PGR: variants seen among roughly 807,000 people sequenced by gnomAD.
PGR encodes progesterone receptor.
PGR carries 25 observed loss-of-function variants against 76.1 expected under a neutral mutation model. The observed-to-expected ratio is 0.33, with a 90% confidence interval of 0.24 to 0.46. The LOEUF (loss-of-function observed/expected upper bound fraction) is 0.46. Ranked by LOEUF, PGR falls within the 20% of genes least tolerant of loss-of-function variation. The probability of loss-of-function intolerance (pLI) is 1.00; values close to 1 mark genes in which losing one functional copy is unlikely to be tolerated. For missense variants in PGR, 1,172 were observed against 1,225.3 expected, an observed-to-expected ratio of 0.96 and a Z score of 0.65; for synonymous variants, 579 against 535.0, an observed-to-expected ratio of 1.08 and a Z score of -1.14.
In PGR at chr11:101,128,069, C is replaced by T. The variant is rs1353579171; in HGVS notation, c.1002G>A (p.Gly334=). The change falls in exon 1 of 8, where the codon GGG becomes GGA. Residue 334 remains glycine (G), a synonymous_variant. Transcript: ENST00000325455. The part of the protein sequence containing the change: ...LEDESYDGGA[G]AASAFAPPRS... ...GCGGCGGGGCAAAGGCGCTGGCAGC[C>T]CCGGCCCCGCCGTCGTAACTTTCGT... 1.1e-5 allele frequency: 18 copies of T among 1,600,506 alleles called. No homozygotes were observed. The African/African-American group carries it at 2.1e-4, about 19-fold the overall frequency.
At chr11:101,084,208 C>T (rs1456001645) in intron 3 of PGR, among the ~76,000 whole-genome samples, 1 of 152,166 alleles carries the variant, frequency 6.6e-6, no homozygotes, top group African/African-American at 2.4e-5. Flanking sequence ...TCACCTTCTG[C>T]CTTGATTGTA....
Position 101,128,472 on chromosome 11 carries a change from G to A in PGR, c.599C>T (p.Ser200Phe). 6.2e-7 allele frequency: 1 copy of A among 1,608,154 alleles called. No individual in the cohort carries two copies. Residue 200 changes from serine (S) to phenylalanine (F), a missense_variant, in exon 1 of 8, where the codon TCT becomes TTT. Ser to Phe is a radical substitution (Grantham distance 155, BLOSUM62 -2). Coordinates refer to ENST00000325455, the MANE Select transcript of PGR (RefSeq NM_000926.4). The stretch of plus-strand genomic sequence containing the variant: ...GGCCCCGGACCAGTGAGGGCTCTCA[G>A]AGGCCGGGAGCAGCAGCTGCCGGGC... ...SPARQLLLPA[S>F]ESPHWSGAPV...
At chr11:101,049,906 T>A (rs893361136) in intron 6 of PGR, 23 bp downstream of exon 6, 2 of 1,596,984 alleles carry the variant, frequency 1.3e-6, no homozygotes, top group Admixed American at 3.3e-5. Flanking sequence ...ATATCTTGCA[T>A]TAAGTTACTT....
At position 101,073,916 on chromosome 11, in the gene PGR, G is replaced by T. The variant is rs926970619; in HGVS notation, c.1907-11164C>A. The stretch of plus-strand genomic sequence containing the variant: ...CTACCAGAGATACAAGGAGGAGCTG[G>T]CACCATTCTTTCTAAAACTATTCCA... On this transcript the variant is annotated intron_variant, in intron 3 of 7. Coordinates refer to ENST00000325455, the MANE Select transcript of PGR (RefSeq NM_000926.4). Among the ~76,000 whole-genome samples the T allele has an allele frequency of 8.5e-5, 13 of 152,226 alleles. No homozygotes were observed. In the East Asian group the frequency reaches 2.1e-3, roughly 25 times the overall value.
intron 4 of PGR, among the ~76,000 whole-genome samples, chr11:101,059,097 T>A (rs557023521): frequency 1.3e-5 from 2 of 151,960 alleles, no homozygotes; most frequent in African/African-American, 4.8e-5. Context: ...AGCAAACCTA[T>A]CTCATGCTTT....
At position 101,038,849 on chromosome 11, in the gene PGR, G is replaced by GAC; in HGVS notation, c.*266_*267insGT. The GAC allele has an allele frequency of 2.6e-6, 1 of 382,482 alleles. No individual in the cohort carries two copies. Among genetic ancestry groups the GAC allele is most frequent in the Middle Eastern group, 7.6e-4 (1 of 1,322 alleles). The allele number at this position is 382,482 out of a possible 1,614,324, so 23.7% of individuals were successfully genotyped here. On this transcript the variant is annotated 3_prime_UTR_variant, in exon 8 of 8. Coordinates refer to ENST00000325455, the MANE Select transcript of PGR (RefSeq NM_000926.4). ...ACATGGTATGAAATAATATGGATAA[G>GAC]ATAGTTTACTTTAACAATTTTAGTA...
chr11:101,057,602 C>G (rs1308557932), intron 4 of PGR, among the ~76,000 whole-genome samples: 1 of 152,090 alleles, frequency 6.6e-6, no homozygotes, highest in Non-Finnish European at 1.5e-5. Flanking sequence ...GAGGCTGCAA[C>G]ATGAATCCAA....
chr11:101,082,233 T>C (rs545211455), intron 3 of PGR, among the ~76,000 whole-genome samples: 39 of 152,322 alleles, frequency 2.6e-4, no homozygotes, highest in African/African-American at 8.4e-4. Flanking sequence ...ATGCTTCCTG[T>C]TAAGCCTGCA....
chr11:101,107,169 A>G (rs1862190644), intron 2 of PGR, among the ~76,000 whole-genome samples: 1 of 152,196 alleles, frequency 6.6e-6, no homozygotes, highest in African/African-American at 2.4e-5. Context: ...TATGTAACAA[A>G]ACTGCACGTT....
In PGR at chr11:101,037,840, C is replaced by G. The variant is rs1859560607; in HGVS notation, c.*1276G>C. 1 of 222,454 alleles carries G rather than the reference C, an allele frequency of 4.5e-6. No individual in the cohort carries two copies. Among genetic ancestry groups the G allele is most frequent in the Admixed American group, 5.8e-5 (1 of 17,380 alleles). The allele number at this position is 222,454 out of a possible 1,614,324, so 13.8% of individuals were successfully genotyped here. A position where few individuals can be genotyped will look rare whatever the true frequency, so the allele number is the denominator to read the frequency against. ...GACAGAGAGAAAATGTCATTCAACT[C>G]TCAGTCAGCAAACACTATTGACCAC... On this transcript the variant is annotated 3_prime_UTR_variant, in exon 8 of 8. Coordinates refer to ENST00000325455, the MANE Select transcript of PGR (RefSeq NM_000926.4).
rs950933712 is a variant in PGR, at chr11:101,052,370, G to A, written c.2213-802C>T. The stretch of plus-strand genomic sequence containing the variant: ...TTGGTCTTTCATCCTCTTTTAGGCT[G>A]TTCCATGGTGTTGGTGGCAGAAGGA... On this transcript the variant is annotated intron_variant, in intron 4 of 7. Transcript: ENST00000325455. 2.6e-5 allele frequency among the ~76,000 whole-genome samples: 4 copies of A among 151,596 alleles called. No homozygotes were observed. In the East Asian group the frequency reaches 7.8e-4, roughly 29 times the overall value.
chr11:101,107,807 C>T (rs1313906906), intron 2 of PGR, among the ~76,000 whole-genome samples: 1 of 139,852 alleles, frequency 7.2e-6, no homozygotes, highest in Non-Finnish European at 1.5e-5. Context: ...TATCAAGTGA[C>T]TTAAGATTCT....
Position 101,037,817 on chromosome 11 carries a change from CAG to C in PGR, c.*1297_*1298del, listed in dbSNP as rs1365198742. The C allele has an allele frequency of 8.9e-6, 2 of 224,380 alleles. No homozygotes were observed. The highest frequency in any genetic ancestry group is 3.7e-4 in the South Asian group (2 of 5,458). 13.9% of individuals were successfully genotyped at this position (224,380 alleles called of 1,614,324 possible). On this transcript the variant is annotated 3_prime_UTR_variant, in exon 8 of 8. Coordinates refer to ENST00000325455, the MANE Select transcript of PGR (RefSeq NM_000926.4). ...ATCGAAATCTACAGTAATACCAAGA[CAG>C]AGAGAAAATGTCATTCAACTCTCAG...
At position 101,062,700 on chromosome 11, in the gene PGR, A is replaced by T. The variant is rs191827469; in HGVS notation, c.1959T>A (p.Ala653=). The T allele has an allele frequency of 9.3e-6, 15 of 1,613,902 alleles. No homozygotes were observed. Among genetic ancestry groups the T allele is most frequent in the Non-Finnish European group, 1.3e-5 (15 of 1,179,884 alleles). Residue 653 remains alanine (A), a synonymous_variant, in exon 4 of 8, where the codon GCT becomes GCA. Coordinates refer to ENST00000325455, the MANE Select transcript of PGR (RefSeq NM_000926.4). ...NKVRVVRALD[A]VALPQPVGVP... The stretch of plus-strand genomic sequence containing the variant: ...CGCCCACTGGCTGTGGGAGAGCAAC[A>T]GCATCCAGTGCTCTCACAACTCTGA...
chr11:101,085,932 G>A (rs1258520638), intron 3 of PGR, among the ~76,000 whole-genome samples: 1 of 152,086 alleles, frequency 6.6e-6, no homozygotes, highest in Non-Finnish European at 1.5e-5. Context: ...CCAATATTGG[G>A]TTCCAAATGG....
In PGR at chr11:101,032,552, C is replaced by A. The variant is rs1412413025; in HGVS notation, c.*6564G>T. 3.5e-5 allele frequency: 8 copies of A among 231,844 alleles called. No individual in the cohort carries two copies. The East Asian group carries it at 4.9e-4, about 14-fold the overall frequency. 14.4% of individuals were successfully genotyped at this position (231,844 alleles called of 1,614,324 possible). On this transcript the variant is annotated 3_prime_UTR_variant, in exon 8 of 8. Coordinates refer to ENST00000325455, the MANE Select transcript of PGR (RefSeq NM_000926.4). ...CAAATGTTGTTTGGGATACTCTTCT[C>A]TCTTTGGAATCCCTCCTGTTTGGAA...
At chr11:101,110,714 G>T (rs1283307262) in intron 2 of PGR, among the ~76,000 whole-genome samples, 1 of 152,186 alleles carries the variant, frequency 6.6e-6, no homozygotes, top group Non-Finnish European at 1.5e-5. Context: ...TTTCAAAGAA[G>T]CTCTACTGTG....
At chr11:101,074,018 C>A (rs1401811211) in intron 3 of PGR, among the ~76,000 whole-genome samples, 1 of 151,880 alleles carries the variant, frequency 6.6e-6, no homozygotes, top group African/African-American at 2.4e-5. Context: ...GGCAGAGAAA[C>A]AACAAAAAAG....
chr11:101,088,464 T>C (rs524490), intron 3 of PGR, among the ~76,000 whole-genome samples: 37,143 of 151,966 alleles, frequency 0.24, 5,660 homozygotes, highest in Non-Finnish European at 0.35. Flanking sequence ...CCCAAGTAGG[T>C]GGGACTACAG....
Sources: gnomAD v4.1 joint callset for allele counts (sites outside exome capture counted in the v4.1 genomes callset) on GRCh38, gnomAD v4.1.1 for gene constraint, MANE v1.5 for transcripts, NCBI Gene and HGNC (gene_info 2026-07-23, HGNC 2026-07-21) for gene names.